The following PBX1 variants were observed in gnomAD, a reference collection of about 807,000 sequenced individuals.
The protein encoded by PBX1 is pre-B-cell leukemia transcription factor 1.
PBX1 carries 6 observed loss-of-function variants against 53.4 expected under a neutral mutation model. That is an observed-to-expected ratio of 0.11 (90% CI 0.06 to 0.22). The LOEUF is 0.22. PBX1 is among the 10% of genes least tolerant of loss of function. The pLI, the probability that PBX1 is intolerant of heterozygous loss-of-function variation, is 1.00. For missense variants in PBX1, 251 were observed against 551.4 expected (o/e 0.46, Z 5.46); for synonymous variants, 204 against 212.3 (o/e 0.96, Z 0.34).
intron 2 of PBX1, among the ~76,000 whole-genome samples, chr1:164,623,648 C>T (rs1657840191): frequency 6.6e-6 from 1 of 152,182 alleles, no homozygotes; most frequent in Non-Finnish European, 1.5e-5. Context: ...GCCTTTGTCT[C>T]TCTGTGTCTC....
At chr1:164,717,723 C>T (rs1287546006) in intron 2 of PBX1, among the ~76,000 whole-genome samples, 1 of 152,030 alleles carries the variant, frequency 6.6e-6, no homozygotes, top group Non-Finnish European at 1.5e-5. Flanking sequence ...AACAGGTGTG[C>T]CTTGGCTGAA....
At chr1:164,635,487 A>G (rs1266071037) in intron 2 of PBX1, among the ~76,000 whole-genome samples, 2 of 152,236 alleles carry the variant, frequency 1.3e-5, no homozygotes, top group Admixed American at 6.5e-5. Context: ...GCTTAGCCCA[A>G]CTGTCACTCG....
chr1:164,660,138 G>C (rs1377345804), intron 2 of PBX1, among the ~76,000 whole-genome samples: 1 of 152,222 alleles, frequency 6.6e-6, no homozygotes, highest in Admixed American at 6.5e-5. Flanking sequence ...CTACAGGGTA[G>C]ATGATGATAA....
At chr1:164,628,805 T>C (rs1658216619) in intron 2 of PBX1, among the ~76,000 whole-genome samples, 1 of 152,176 alleles carries the variant, frequency 6.6e-6, no homozygotes, top group African/African-American at 2.4e-5. Context: ...ACCGCCTTAT[T>C]ACTCACGAGT....
intron 2 of PBX1, among the ~76,000 whole-genome samples, chr1:164,710,599 C>T (rs1041706215): frequency 1.1e-4 from 16 of 151,998 alleles, no homozygotes; most frequent in African/African-American, 3.6e-4. Context: ...TTAGTAGAGA[C>T]GGGGTTTCTC....
intron 8 of PBX1, among the ~76,000 whole-genome samples, chr1:164,844,575 T>C (rs1319231316): frequency 6.6e-6 from 1 of 152,232 alleles, no homozygotes; most frequent in East Asian, 1.9e-4. Context: ...TGTTTTGTTT[T>C]TTATGCTTTC....
At chr1:164,842,783 G>A (rs1012242952) in intron 8 of PBX1, among the ~76,000 whole-genome samples, 7 of 152,144 alleles carry the variant, frequency 4.6e-5, no homozygotes, top group Non-Finnish European at 8.8e-5. Context: ...ACCCCTCAGT[G>A]TGGTTTATGA....
downstream of PBX1, among the ~76,000 whole-genome samples, chr1:164,853,798 G>T (rs575090456): frequency 6.6e-6 from 1 of 152,036 alleles, no homozygotes; most frequent in Non-Finnish European, 1.5e-5. Context: ...AAAGAGTATG[G>T]TAAAGTGTAG....
chr1:164,803,246 A>G (rs978393322), intron 4 of PBX1, among the ~76,000 whole-genome samples: 1 of 152,202 alleles, frequency 6.6e-6, no homozygotes, highest in African/African-American at 2.4e-5. Context: ...CATAGGACAA[A>G]TACTGTTACA....
intron 2 of PBX1, among the ~76,000 whole-genome samples, chr1:164,719,093 A>G (rs1664268101): frequency 6.6e-6 from 1 of 152,160 alleles, no homozygotes; most frequent in African/African-American, 2.4e-5. Flanking sequence ...GATCTGATAA[A>G]CTGAACAAGC....
rs59042806 is a variant in PBX1, at chr1:164,724,670, ATTTTTTTTTTTTTTT to A, written c.266-67799_266-67785del. On this transcript the variant is annotated intron_variant, in intron 2 of 8. Transcript: ENST00000420696. The stretch of plus-strand genomic sequence containing the variant: ...CAGATGCCCATTGCAATAGCTGCAG[ATTTTTTTTTTTTTTT>A]TTTTTTTTTTTTTTTTTTTTTTTTA... Among the ~76,000 whole-genome samples the A allele has an allele frequency of 1.8e-3, 86 of 48,236 alleles. 2 individuals carry two copies. Among genetic ancestry groups the A allele is most frequent in the Non-Finnish European group, 2.5e-3 (58 of 23,366 alleles). 31.6% of individuals were successfully genotyped at this position (48,236 alleles called of 152,430 possible). A position where few individuals can be genotyped will look rare whatever the true frequency, so the allele number is the denominator to read the frequency against.
intron 2 of PBX1, among the ~76,000 whole-genome samples, chr1:164,585,945 C>T (rs1419241370): frequency 6.6e-6 from 1 of 152,062 alleles, no homozygotes; most frequent in Non-Finnish European, 1.5e-5. Flanking sequence ...ATAAGTAGTG[C>T]TTATGACATT....
At chr1:164,563,371 C>A in intron 2 of PBX1, 60 bp downstream of exon 2, 1 of 1,065,738 alleles carries the variant, frequency 9.4e-7, no homozygotes, top group East Asian at 2.4e-5. Context: ...ACTTAACCAG[C>A]AGTCACAAAT....
chr1:164,628,847 A>G (rs1024286794), intron 2 of PBX1, among the ~76,000 whole-genome samples: 1 of 152,188 alleles, frequency 6.6e-6, no homozygotes, highest in Non-Finnish European at 1.5e-5. Context: ...ACAAGTGGCA[A>G]TAAAGGCTTT....
At chr1:164,714,911 AT>A (rs1340949097) in intron 2 of PBX1, among the ~76,000 whole-genome samples, 1 of 152,124 alleles carries the variant, frequency 6.6e-6, no homozygotes, top group Non-Finnish European at 1.5e-5. Context: ...TTTGATGACT[AT>A]TTTGTGATTT....
At chr1:164,640,556 G>GTTTTT (rs1272033438) in intron 2 of PBX1, among the ~76,000 whole-genome samples, 1 of 30,678 alleles carries the variant, frequency 3.3e-5, no homozygotes, top group Non-Finnish European at 1.1e-4. Flanking sequence ...TTTTTTTTTT[G>GTTTTT]TGTTTTTTTT....
chr1:164,715,856 C>T (rs138680766), intron 2 of PBX1, among the ~76,000 whole-genome samples: 60 of 152,270 alleles, frequency 3.9e-4, no homozygotes, highest in Non-Finnish European at 6.8e-4. Context: ...GTCTATAACT[C>T]GCACTGGCCA....
intron 2 of PBX1, among the ~76,000 whole-genome samples, chr1:164,711,913 G>A (rs942512344): frequency 6.6e-6 from 1 of 152,154 alleles, no homozygotes; most frequent in Admixed American, 6.5e-5. Flanking sequence ...AGAGCAGGGT[G>A]GGGTGACAGG....
chr1:164,706,118 A>T (rs1309925112), intron 2 of PBX1, among the ~76,000 whole-genome samples: 1 of 152,168 alleles, frequency 6.6e-6, no homozygotes, highest in African/African-American at 2.4e-5. Context: ...CAATTCTGTT[A>T]TTCAGTGGAA....
Sources: allele counts gnomAD v4.1 joint callset (sites outside exome capture counted in the v4.1 genomes callset), GRCh38; gene constraint gnomAD v4.1.1; transcripts MANE v1.5; gene names NCBI Gene and HGNC (gene_info 2026-07-23, HGNC 2026-07-21).